The following CHST11 variants were observed in gnomAD, a reference collection of about 807,000 sequenced individuals.
CHST11 encodes carbohydrate sulfotransferase 11.
A neutral mutation model predicts 30.4 loss-of-function variants in CHST11; 9 were observed. That is an observed-to-expected ratio of 0.30 (90% CI 0.18 to 0.52). CHST11 has a LOEUF of 0.52. Ranked by LOEUF, CHST11 falls within the 20% of genes least tolerant of loss-of-function variation. CHST11 has a pLI of 0.97. For synonymous variants in CHST11, 152 were observed against 187.8 expected (o/e 0.81, Z 1.56); for missense variants, 348 against 460.6 (o/e 0.76, Z 2.24).
At chr12:104,633,159 C>G (rs2039288303) in intron 2 of CHST11, among the ~76,000 whole-genome samples, 1 of 152,198 alleles carries the variant, frequency 6.6e-6, no homozygotes, top group Non-Finnish European at 1.5e-5. Context: ...GTGCTCTCTT[C>G]TAATGCTGGA....
intron 2 of CHST11, among the ~76,000 whole-genome samples, chr12:104,695,802 A>G (rs1031761914): frequency 3.9e-5 from 6 of 152,296 alleles, no homozygotes; most frequent in African/African-American, 1.4e-4. Flanking sequence ...GGTAGCTGGC[A>G]TTGCCACGTA....
intron 1 of CHST11, among the ~76,000 whole-genome samples, chr12:104,571,657 T>A (rs539251549): frequency 1.3e-5 from 2 of 152,314 alleles, no homozygotes; most frequent in South Asian, 2.1e-4. Flanking sequence ...ACTCCAGACC[T>A]TTCTGGCTCC....
At position 104,561,396 on chromosome 12, in the gene CHST11, A is replaced by G. The variant is rs139220585; in HGVS notation, c.119-40510A>G. Among the ~76,000 whole-genome samples the G allele has an allele frequency of 4.0e-3, 614 of 152,352 alleles. 4 individuals are homozygous for G. The highest frequency in any genetic ancestry group is 0.014 in the African/African-American group (587 of 41,586). ...GGGAACAGTGACAAAGGGTGTCTTC[A>G]TAATCCCATTGGCCAGAACTGGGCC... On this transcript the variant is annotated intron_variant, in intron 1 of 2. Coordinates refer to ENST00000303694, the MANE Select transcript of CHST11 (RefSeq NM_018413.6).
intron 1 of CHST11, among the ~76,000 whole-genome samples, chr12:104,479,296 C>G (rs960152540): frequency 2.6e-5 from 4 of 152,074 alleles, no homozygotes; most frequent in African/African-American, 4.8e-5. Context: ...GCCTGCGGTT[C>G]CAGCCTCCAT....
intron 2 of CHST11, among the ~76,000 whole-genome samples, chr12:104,614,565 G>T (rs2039089682): frequency 1.3e-5 from 2 of 152,072 alleles, no homozygotes; most frequent in Non-Finnish European, 2.9e-5. Flanking sequence ...ATTATAAAAT[G>T]ATGTCCTATA....
rs191536614 is a variant in CHST11 at position 104,752,591 on chromosome 12, G to A, written c.205-4358G>A. 7.0e-3 allele frequency among the ~76,000 whole-genome samples: 1,067 copies of A among 152,210 alleles called. 19 individuals carry two copies. The highest frequency in any genetic ancestry group is 0.024 in the African/African-American group (984 of 41,530). On this transcript the variant is annotated intron_variant, in intron 2 of 2. Transcript: ENST00000303694. ...CGCCCAGGCTGGAGTGCAGTGCCGC[G>A]ATCGCGGCTCATTGCAACCTCCGCC...
intron 2 of CHST11, among the ~76,000 whole-genome samples, chr12:104,608,837 G>A (rs1236250985): frequency 6.6e-6 from 1 of 152,168 alleles, no homozygotes; most frequent in Non-Finnish European, 1.5e-5. Flanking sequence ...TGGGTTCGAT[G>A]CCTATAGTGC....
At chr12:104,572,593 A>T (rs995142490) in intron 1 of CHST11, among the ~76,000 whole-genome samples, 2 of 150,962 alleles carry the variant, frequency 1.3e-5, no homozygotes, top group Non-Finnish European at 3.0e-5. Flanking sequence ...CATCTATTTG[A>T]TTCTTCTCTC....
At chr12:104,682,278 A>G (rs2039804828) in intron 2 of CHST11, among the ~76,000 whole-genome samples, 1 of 152,194 alleles carries the variant, frequency 6.6e-6, no homozygotes, top group East Asian at 1.9e-4. Flanking sequence ...AAGTGAGGGA[A>G]CAAGAGTATC....
intron 1 of CHST11, among the ~76,000 whole-genome samples, chr12:104,482,115 A>T (rs1309246557): frequency 6.6e-6 from 1 of 151,476 alleles, no homozygotes; most frequent in African/African-American, 2.4e-5. Context: ...CCTCCCCAGG[A>T]TTGTTTTCTT....
chr12:104,558,471 C>T (rs568740274), intron 1 of CHST11, among the ~76,000 whole-genome samples: 1 of 151,942 alleles, frequency 6.6e-6, no homozygotes, highest in East Asian at 1.9e-4. Flanking sequence ...CCTCTCCGCC[C>T]CTCCCCTCCC....
intron 1 of CHST11, among the ~76,000 whole-genome samples, chr12:104,531,799 C>T (rs1413491672): frequency 6.6e-6 from 1 of 152,234 alleles, no homozygotes; most frequent in African/African-American, 2.4e-5. Context: ...CTCTCTGTTA[C>T]ACATAGTACC....
At chr12:104,682,554 C>T (rs1418355648) in intron 2 of CHST11, among the ~76,000 whole-genome samples, 4 of 152,220 alleles carry the variant, frequency 2.6e-5, no homozygotes, top group Admixed American at 2.0e-4. Context: ...CCTGGTTACC[C>T]CAGTTTTGGT....
At chr12:104,550,916 T>C (rs1446288615) in intron 1 of CHST11, among the ~76,000 whole-genome samples, 2 of 152,204 alleles carry the variant, frequency 1.3e-5, no homozygotes, top group Non-Finnish European at 2.9e-5. Context: ...CTGGCTAAAG[T>C]TTAACTTTCC....
intron 1 of CHST11, among the ~76,000 whole-genome samples, chr12:104,563,626 T>G (rs1295885548): frequency 6.6e-6 from 1 of 152,198 alleles, no homozygotes; most frequent in Non-Finnish European, 1.5e-5. Flanking sequence ...TAATTTTAGC[T>G]TGTTTAATAG....
rs574348374 is a variant in CHST11, at chr12:104,676,725, A to G, written c.204+74734A>G. On this transcript the variant is annotated intron_variant, in intron 2 of 2. Transcript: ENST00000303694. This position sits in a 1 kb window ranked among gnomAD's most constrained non-coding sequence, Gnocchi z 4.4. ...GCCTCCCTGCCTCCTTTCCTAAGGAAGCTGCAGCTCACTTGGGAAATCCAG... is the reference window on the plus strand; with the variant it reads ...GCCTCCCTGCCTCCTTTCCTAAGGAGGCTGCAGCTCACTTGGGAAATCCAG... Among the ~76,000 whole-genome samples the G allele has an allele frequency of 6.6e-6, 1 of 152,320 alleles. No homozygotes were observed. The highest frequency in any genetic ancestry group is 2.1e-4 in the South Asian group (1 of 4,824).
intron 2 of CHST11, among the ~76,000 whole-genome samples, chr12:104,609,797 G>A (rs2039040792): frequency 6.6e-6 from 1 of 152,184 alleles, no homozygotes; most frequent in African/African-American, 2.4e-5. Context: ...GATGGAGTTA[G>A]GTAACCTGGG....
At chr12:104,686,565 G>T (rs567192446) in intron 2 of CHST11, among the ~76,000 whole-genome samples, 77 of 152,206 alleles carry the variant, frequency 5.1e-4, no homozygotes, top group Non-Finnish European at 8.8e-4. Flanking sequence ...TGCAACTGTG[G>T]CTGCTACTGT....
At position 104,551,870 on chromosome 12, in the gene CHST11, C is replaced by G. The variant is rs141624040; in HGVS notation, c.119-50036C>G. ...TGGTGCGGGCTGGTGGTCTCTTTGC[C>G]TGCTGTGACAGCTGTCAGTCAGCCT... On this transcript the variant is annotated intron_variant, in intron 1 of 2. Transcript: ENST00000303694. Among the ~76,000 whole-genome samples the G allele has an allele frequency of 5.8e-4, 89 of 152,266 alleles. 1 individual carries two copies. In the Middle Eastern group the frequency reaches 0.017, roughly 29 times the overall value.
Sources: gnomAD v4.1 joint callset for allele counts (sites outside exome capture counted in the v4.1 genomes callset) on GRCh38, gnomAD v4.1.1 for gene constraint, Gnocchi (gnomAD v3.1) non-coding constraint, MANE v1.5 for transcripts, NCBI Gene and HGNC (gene_info 2026-07-23, HGNC 2026-07-21) for gene names.